NR3C2: variants seen among roughly 807,000 people sequenced by gnomAD.
The protein encoded by NR3C2 is mineralocorticoid receptor.
In NR3C2, 15 loss-of-function variants were observed where a neutral mutation model predicts 86.4. The ratio of observed to expected loss-of-function variants is 0.17; its 90% CI spans 0.12 to 0.27. The LOEUF is 0.27. Ranked by LOEUF, NR3C2 falls within the 10% of genes least tolerant of loss-of-function variation. The pLI, the probability that NR3C2 is intolerant of heterozygous loss-of-function variation, is 1.00. For synonymous variants in NR3C2, 458 were observed against 450.5 expected, an observed-to-expected ratio of 1.02 and a Z score of -0.21; for missense variants, 960 against 1,195.6, an observed-to-expected ratio of 0.80 and a Z score of 2.91.
At chr4:148,406,181 A>G (rs1409316536) in intron 2 of NR3C2, among the ~76,000 whole-genome samples, 1 of 152,116 alleles carries the variant, frequency 6.6e-6, no homozygotes, top group Non-Finnish European at 1.5e-5. Context: ...AAAAACAAAC[A>G]AACAAAAAAA....
chr4:148,377,693 G>A (rs944516763), intron 2 of NR3C2, among the ~76,000 whole-genome samples: 4 of 152,202 alleles, frequency 2.6e-5, no homozygotes, highest in African/African-American at 9.7e-5. Flanking sequence ...GCCTGGAAGA[G>A]GCATCTCATG....
chr4:148,341,998 C>G (rs1744770499), intron 2 of NR3C2, among the ~76,000 whole-genome samples: 1 of 152,140 alleles, frequency 6.6e-6, no homozygotes, highest in East Asian at 1.9e-4. Flanking sequence ...ACTTCACACA[C>G]TGGATTTACA....
At chr4:148,123,439 A>G (rs1732602697) in intron 6 of NR3C2, among the ~76,000 whole-genome samples, 1 of 152,064 alleles carries the variant, frequency 6.6e-6, no homozygotes, top group Admixed American at 6.5e-5. Flanking sequence ...GATCTTTGTT[A>G]GCCCCTTATT....
At chr4:148,251,222 G>A (rs1360114008) in intron 3 of NR3C2, among the ~76,000 whole-genome samples, 1 of 152,084 alleles carries the variant, frequency 6.6e-6, no homozygotes, top group African/African-American at 2.4e-5. Flanking sequence ...ACCTTCCAAA[G>A]TTCTGGGATT....
At chr4:148,232,779 T>C (rs574654245) in intron 3 of NR3C2, among the ~76,000 whole-genome samples, 115 of 152,302 alleles carry the variant, frequency 7.6e-4, no homozygotes, top group African/African-American at 2.5e-3. Context: ...TCAATTATCT[T>C]AGCTCAATCT....
chr4:148,275,799 T>C (rs553868397), intron 2 of NR3C2, among the ~76,000 whole-genome samples: 152 of 152,252 alleles, frequency 1.0e-3, no homozygotes, highest in African/African-American at 3.4e-3. Context: ...TCATATGCTA[T>C]ACAACCATCA....
chr4:148,286,078 A>G, intron 2 of NR3C2, among the ~76,000 whole-genome samples: 1 of 152,370 alleles, frequency 6.6e-6, no homozygotes, highest in Non-Finnish European at 1.5e-5. Flanking sequence ...AATGTATTAA[A>G]TAGAAATAGT....
At chr4:148,107,496 G>T (rs139989309) in intron 8 of NR3C2, among the ~76,000 whole-genome samples, 2 of 152,126 alleles carry the variant, frequency 1.3e-5, no homozygotes, top group African/African-American at 4.8e-5. Flanking sequence ...CCATTACTGG[G>T]TATATACCCA....
At chr4:148,259,729 A>T (rs1406891456) in intron 3 of NR3C2, among the ~76,000 whole-genome samples, 1 of 152,232 alleles carries the variant, frequency 6.6e-6, no homozygotes, top group Non-Finnish European at 1.5e-5. Flanking sequence ...CTGAAAAACA[A>T]ACTGTGACAA....
chr4:148,177,208 T>C (rs984987140), intron 4 of NR3C2, among the ~76,000 whole-genome samples: 1 of 152,216 alleles, frequency 6.6e-6, no homozygotes, highest in Non-Finnish European at 1.5e-5. Context: ...TACTCTCCTT[T>C]ATTAATCATG....
At chr4:148,189,559 C>G (rs1372703381) in intron 4 of NR3C2, among the ~76,000 whole-genome samples, 1 of 152,008 alleles carries the variant, frequency 6.6e-6, no homozygotes, top group Admixed American at 6.6e-5. Context: ...AGGGAGGGTT[C>G]CTTCTTTCTC....
chr4:148,232,274 A>G (rs1738506117), intron 3 of NR3C2, among the ~76,000 whole-genome samples: 1 of 152,246 alleles, frequency 6.6e-6, no homozygotes, highest in Admixed American at 6.5e-5. Context: ...TTAAATAATA[A>G]GACATGAAAG....
At chr4:148,171,397 G>A (rs1427483531) in intron 4 of NR3C2, among the ~76,000 whole-genome samples, 1 of 152,234 alleles carries the variant, frequency 6.6e-6, no homozygotes, top group East Asian at 1.9e-4. Flanking sequence ...ATTTTTATCA[G>A]GGATGAATGC....
intron 2 of NR3C2, among the ~76,000 whole-genome samples, chr4:148,333,954 A>G (rs1315918863): frequency 1.3e-5 from 2 of 152,216 alleles, no homozygotes; most frequent in East Asian, 3.9e-4. Flanking sequence ...TACAAAATCT[A>G]TTTAAAAATA....
intron 2 of NR3C2, among the ~76,000 whole-genome samples, chr4:148,371,064 T>G (rs1389096874): frequency 6.6e-6 from 1 of 152,144 alleles, no homozygotes; most frequent in Non-Finnish European, 1.5e-5. Context: ...TTGTAGGTAT[T>G]TGGTAGGTAT....
chr4:148,276,455 A>G (rs1281086126), intron 2 of NR3C2, among the ~76,000 whole-genome samples: 1 of 152,178 alleles, frequency 6.6e-6, no homozygotes, highest in Non-Finnish European at 1.5e-5. Flanking sequence ...CTTACTACTC[A>G]AAAGAGTTAC....
chr4:148,330,161 C>A (rs72656814), intron 2 of NR3C2, among the ~76,000 whole-genome samples: 72 of 152,122 alleles, frequency 4.7e-4, no homozygotes, highest in Non-Finnish European at 9.4e-4. Context: ...CCTTTTAACA[C>A]CTCGACACTG....
chr4:148,087,638 T>A (rs537373496), intron 8 of NR3C2, among the ~76,000 whole-genome samples: 3 of 152,184 alleles, frequency 2.0e-5, no homozygotes, highest in Non-Finnish European at 4.4e-5. Context: ...TAATAAACGG[T>A]ACGGCGAAAA....
intron 4 of NR3C2, among the ~76,000 whole-genome samples, chr4:148,192,270 G>A (rs1467200915): frequency 6.6e-6 from 1 of 152,174 alleles, no homozygotes; most frequent in East Asian, 1.9e-4. Context: ...TAGCCACCCA[G>A]CAAGTCTACC....
Sources: gnomAD v4.1 joint callset for allele counts (sites outside exome capture counted in the v4.1 genomes callset) on GRCh38, gnomAD v4.1.1 for gene constraint, MANE v1.5 for transcripts, NCBI Gene and HGNC (gene_info 2026-07-23, HGNC 2026-07-21) for gene names.